The following ABCA3 variants were observed in gnomAD, a reference collection of about 807,000 sequenced individuals.
The protein encoded by ABCA3 is ATP binding cassette subfamily A member 3, also known as phospholipid-transporting ATPase ABCA3.
ABCA3 carries 88 observed loss-of-function variants against 172.8 expected under a neutral mutation model. That is an observed-to-expected ratio of 0.51 (90% CI 0.43 to 0.61). The LOEUF (loss-of-function observed/expected upper bound fraction) is 0.61. ABCA3 is among the 20% of genes least tolerant of loss of function. The probability of loss-of-function intolerance (pLI) is 0.00; values close to 1 mark genes in which losing one functional copy is unlikely to be tolerated. For missense variants in ABCA3, 2,164 were observed against 2,301.0 expected (o/e 0.94, Z 1.22); for synonymous variants, 1,066 against 983.8 (o/e 1.08, Z -1.56).
Position 2,276,570 on chromosome 16 carries a change from A to G in ABCA3, c.*104T>C. 1 of 1,544,020 alleles carries G rather than the reference A, an allele frequency of 6.5e-7. No individual in the cohort carries two copies. On this transcript the variant is annotated 3_prime_UTR_variant, in exon 33 of 33. Transcript: ENST00000301732. The stretch of plus-strand genomic sequence containing the variant: ...ATTTTTCATATCCATCATAGAAAAA[A>G]GTGATTAAAAATAAAGGATGAGATA...
At chr16:2,318,743 C>T (rs1443720405) in intron 8 of ABCA3, among the ~76,000 whole-genome samples, 1 of 152,068 alleles carries the variant, frequency 6.6e-6, no homozygotes, top group Non-Finnish European at 1.5e-5. Context: ...GAACTCCTCA[C>T]CTCAAGTGAT....
chr16:2,312,386 C>T (rs1013609881), intron 10 of ABCA3, among the ~76,000 whole-genome samples: 13 of 152,142 alleles, frequency 8.5e-5, no homozygotes, highest in African/African-American at 3.1e-4. Flanking sequence ...TCAAGATAAT[C>T]CATGGTTCAG....
intron 11 of ABCA3, among the ~76,000 whole-genome samples, chr16:2,306,940 G>A (rs191822656): frequency 2.0e-5 from 3 of 149,862 alleles, no homozygotes; most frequent in African/African-American, 2.5e-5. Context: ...GCATGAACCC[G>A]GGAGGCGGAG....
intron 10 of ABCA3, among the ~76,000 whole-genome samples, chr16:2,315,135 G>A (rs551627280): frequency 1.3e-5 from 2 of 150,242 alleles, no homozygotes; most frequent in Admixed American, 6.7e-5. Context: ...CACCCGCCTC[G>A]GCCTCCCAAA....
chr16:2,304,047 A>C lies in ABCA3; in HGVS notation c.1389T>G (p.Tyr463Ter). Residue 463 changes from tyrosine (Y) to a stop codon, truncating the protein, a stop_gained, in exon 12 of 33, where the codon TAT becomes TAG. Transcript: ENST00000301732. LOFTEE classifies it high-confidence loss of function. ...LGMLLLDSVL[Y>*]GLVTWYMEAV... is the part of the protein sequence containing the mutation. ...CCTCCATGTACCAGGTCACCAGGCC[A>C]TAGAGCACAGAGTCCAGCAGCAGCA... 1 of 1,614,188 alleles carries C rather than the reference A, an allele frequency of 6.2e-7. No individual in the cohort carries two copies.
intron 1 of ABCA3, among the ~76,000 whole-genome samples, chr16:2,337,029 C>G (rs1433013740): frequency 6.6e-6 from 1 of 151,518 alleles, no homozygotes; most frequent in Non-Finnish European, 1.5e-5. Context: ...CCTCCCTCCT[C>G]AGCCTCCACA....
chr16:2,276,645 C>T lies in ABCA3; in HGVS notation c.*29G>A. On this transcript the variant is annotated 3_prime_UTR_variant, in exon 33 of 33. Transcript: ENST00000301732. Reference sequence around the variant, plus strand: ...TGGGCCCTGCTTGCCCGTCCTGTCCCTGCCTGATGGCGAGACAGCCGCCAC... The same window carrying T: ...TGGGCCCTGCTTGCCCGTCCTGTCCTTGCCTGATGGCGAGACAGCCGCCAC... 6.2e-7 allele frequency: 1 copy of T among 1,611,136 alleles called. No individual in the cohort carries two copies. Among genetic ancestry groups the T allele is most frequent in the South Asian group, 1.1e-5 (1 of 91,040 alleles).
intron 7 of ABCA3, among the ~76,000 whole-genome samples, chr16:2,321,391 G>A (rs960346311): frequency 2.0e-5 from 3 of 152,192 alleles, no homozygotes; most frequent in African/African-American, 4.8e-5. Context: ...AAGGGACATC[G>A]CTAAGCGCTG....
In ABCA3 at chr16:2,338,752, T is replaced by C. The variant is rs1319848469; in HGVS notation, c.-539+1821A>G. Among the ~76,000 whole-genome samples, 3 of 99,848 alleles carry C rather than the reference T, an allele frequency of 3.0e-5. No homozygotes were observed. The East Asian group carries it at 6.6e-4, about 22-fold the overall frequency. The allele number at this position is 99,848 out of a possible 152,430, so 65.5% of individuals were successfully genotyped here. A position where few individuals can be genotyped will look rare whatever the true frequency, so the allele number is the denominator to read the frequency against. Reference sequence around the variant, plus strand: ...GAGCAGGGACTGTGTCCAATTCATCTTTTTTTTTTTTTTTTTTTTTGAGAC... The same window carrying C: ...GAGCAGGGACTGTGTCCAATTCATCCTTTTTTTTTTTTTTTTTTTTGAGAC... On this transcript the variant is annotated intron_variant, in intron 1 of 32. Transcript: ENST00000301732.
At chr16:2,329,105 A>G (rs1567355813) in intron 2 of ABCA3, among the ~76,000 whole-genome samples, 1 of 152,146 alleles carries the variant, frequency 6.6e-6, no homozygotes, top group Non-Finnish European at 1.5e-5. Context: ...AAACAGTTAA[A>G]AATTAATTTA....
Position 2,297,548 on chromosome 16 carries a change from A to G in ABCA3, c.2053-9T>C. 1 of 1,611,824 alleles carries G rather than the reference A, an allele frequency of 6.2e-7. No homozygotes were observed. The highest frequency in any genetic ancestry group is 8.5e-7 in the Non-Finnish European group (1 of 1,179,854). On this transcript the variant is annotated splice_polypyrimidine_tract_variant and intron_variant, in intron 16 of 32. Coordinates refer to ENST00000301732, the MANE Select transcript of ABCA3 (RefSeq NM_001089.3). The surrounding 1 kb of genome is among the most constrained non-coding windows in gnomAD (Gnocchi z 5.6). Reference sequence around the variant, plus strand: ...TCGTCCAGTATCAGCACCTGGAGGGAGAGACACAGTCTCGCGACGCTGGTA... The same window carrying G: ...TCGTCCAGTATCAGCACCTGGAGGGGGAGACACAGTCTCGCGACGCTGGTA...
intron 11 of ABCA3, among the ~76,000 whole-genome samples, chr16:2,307,016 CAAAAAAAAAA>C (rs201661615): frequency 2.1e-4 from 14 of 66,022 alleles, no homozygotes; most frequent in Admixed American, 5.9e-4. Flanking sequence ...GACTCCGTCT[CAAAAAAAAAA>C]AAAAAAAAAA....
rs142073032 is a variant in ABCA3 at position 2,319,632 on chromosome 16, G to A, written c.822C>T (p.Thr274=). The A allele has an allele frequency of 1.9e-4, 306 of 1,613,570 alleles. No individual in the cohort carries two copies. In the African/African-American group the frequency reaches 2.0e-3, roughly 11 times the overall value. The change falls in exon 8 of 33, where the codon ACC becomes ACT. Residue 274 remains threonine (T), a synonymous_variant. Transcript: ENST00000301732. The part of the protein sequence containing the change: ...PLLLLLSFTY[T]ALTIARAVVQ... ...CGACAGCACGGGCAATGGTGAGCGCGGTGTAGGTGAAGCTGAGCAGCAGCA... is the reference window on the plus strand; with the variant it reads ...CGACAGCACGGGCAATGGTGAGCGCAGTGTAGGTGAAGCTGAGCAGCAGCA...
At chr16:2,299,206 G>A (rs561912030) in intron 14 of ABCA3, among the ~76,000 whole-genome samples, 197 bp downstream of exon 14, 9 of 150,714 alleles carry the variant, frequency 6.0e-5, no homozygotes, top group African/African-American at 2.0e-4. Context: ...GGGGTCCCCC[G>A]GCATGTCCCG....
chr16:2,294,656 G>A lies in ABCA3; in HGVS notation c.2414+934C>T, dbSNP rs901812091. Among the ~76,000 whole-genome samples, 7 of 152,274 alleles carry A rather than the reference G, an allele frequency of 4.6e-5. No individual in the cohort carries two copies. In the East Asian group the frequency reaches 1.4e-3, roughly 29 times the overall value. On this transcript the variant is annotated intron_variant, in intron 18 of 32. Transcript: ENST00000301732. ...GTTGTGATTGCACCACTGCACTCCA[G>A]CCTGGGTGACAGAGCAAGACCTTGT...
chr16:2,323,630 C>A lies in ABCA3; in HGVS notation c.506G>T (p.Gly169Val). The change falls in exon 7 of 33, where the codon GGC becomes GTC. Residue 169 changes from glycine (G) to valine (V), a missense_variant. Transcript: ENST00000301732. Reference sequence around the variant, plus strand: ...TTCTGTCTCTTTCAGGAAAAAGGAGCCTGTTTGGGTCCACATGTAATTTCT... The same window carrying A: ...TTCTGTCTCTTTCAGGAAAAAGGAGACTGTTTGGGTCCACATGTAATTTCT... ...TRRNYMWTQT[G>V]SFFLKETEGW... 1.9e-6 allele frequency: 3 copies of A among 1,614,120 alleles called. No homozygotes were observed. Among genetic ancestry groups the A allele is most frequent in the Non-Finnish European group, 1.7e-6 (2 of 1,180,030 alleles).
In ABCA3 at chr16:2,298,491, A is replaced by G; in HGVS notation, c.1791T>C (p.Ile597=). 1 of 1,614,036 alleles carries G rather than the reference A, an allele frequency of 6.2e-7. No individual in the cohort carries two copies. The highest frequency in any genetic ancestry group is 1.1e-5 in the South Asian group (1 of 91,082). Residue 597 remains isoleucine, a synonymous_variant, in exon 15 of 33, where the codon ATT becomes ATC. Coordinates refer to ENST00000301732, the MANE Select transcript of ABCA3 (RefSeq NM_001089.3). The part of the protein sequence containing the change: ...SGRAYISGYE[I]SQDMVQIRKS... ...TCCGGATCTGAACCATGTCCTGGGA[A>G]ATTTCATACCCGCTGATGTATGCCC...
chr16:2,297,962 C>G lies in ABCA3; in HGVS notation c.1897-41G>C. On this transcript the variant is annotated intron_variant, in intron 15 of 32. Transcript: ENST00000301732. This position sits in a 1 kb window ranked among gnomAD's most constrained non-coding sequence, Gnocchi z 5.6. ...ACGCAGGGAGATGCAGGGCTCCTGG[C>G]GGGAGGCCGACCCTGGCCAGCGAGG... 3 of 1,611,064 alleles carry G rather than the reference C, an allele frequency of 1.9e-6. No individual in the cohort carries two copies. Among genetic ancestry groups the G allele is most frequent in the Non-Finnish European group, 2.5e-6 (3 of 1,179,656 alleles).
intron 10 of ABCA3, among the ~76,000 whole-genome samples, chr16:2,311,893 G>C (rs1364257560): frequency 6.6e-6 from 1 of 152,088 alleles, no homozygotes; most frequent in African/African-American, 2.4e-5. Flanking sequence ...CTGAGTTCAG[G>C]CAATCCGCCC....
Sources: allele counts gnomAD v4.1 joint callset (sites outside exome capture counted in the v4.1 genomes callset), GRCh38; gene constraint gnomAD v4.1.1; non-coding constraint Gnocchi (gnomAD v3.1); transcripts MANE v1.5; gene names NCBI Gene and HGNC (gene_info 2026-07-23, HGNC 2026-07-21).